The following RBM33 variants were observed in gnomAD, a reference collection of about 807,000 sequenced individuals.
RBM33 encodes RNA binding motif protein 33, also known as RNA-binding protein 33.
In RBM33, 28 loss-of-function variants were observed where a neutral mutation model predicts 132.6. That is an observed-to-expected ratio of 0.21 (90% CI 0.16 to 0.29). The LOEUF is 0.29. Ranked by LOEUF, RBM33 falls within the 10% of genes least tolerant of loss-of-function variation. The pLI is 1.00. For missense variants in RBM33, 1,291 were observed against 1,518.5 expected (o/e 0.85, Z 2.49); for synonymous variants, 634 against 593.0 (o/e 1.07, Z -1.01).
intron 13 of RBM33, among the ~76,000 whole-genome samples, chr7:155,744,303 A>G (rs1801446257): frequency 6.6e-6 from 1 of 152,252 alleles, no homozygotes; most frequent in Non-Finnish European, 1.5e-5. Flanking sequence ...ATTGAAAGTT[A>G]CTGGAGTTTT....
chr7:155,737,466 TA>T, intron 9 of RBM33, 63 bp from the exon 10 acceptor site: 1 of 1,502,204 alleles, frequency 6.7e-7, no homozygotes, highest in Non-Finnish European at 8.9e-7. Flanking sequence ...TCTATATTTC[TA>T]AAAATTACAT....
At position 155,777,734 on chromosome 7, in the gene RBM33, G is replaced by T. The variant is rs1477835136; in HGVS notation, c.*2693G>T. ...GCCACATCTTAGCTATTAGTTCTTTGTGTTGTCTTATCAAAGTTTAATGGA... is the reference window on the plus strand; with the variant it reads ...GCCACATCTTAGCTATTAGTTCTTTTTGTTGTCTTATCAAAGTTTAATGGA... On this transcript the variant is annotated 3_prime_UTR_variant, in exon 18 of 18. Coordinates refer to ENST00000401878, the MANE Select transcript of RBM33 (RefSeq NM_053043.3). The T allele has an allele frequency of 6.6e-6, 1 of 152,634 alleles. No homozygotes were observed. The highest frequency in any genetic ancestry group is 1.5e-5 in the Non-Finnish European group (1 of 68,044). The allele number at this position is 152,634 out of a possible 1,614,324, so 9.5% of individuals were successfully genotyped here.
chr7:155,724,169 G>A (rs925687868), intron 9 of RBM33, among the ~76,000 whole-genome samples: 3 of 152,004 alleles, frequency 2.0e-5, no homozygotes, highest in African/African-American at 7.3e-5. Context: ...AATTTCCCAG[G>A]AGTTGTTGAA....
chr7:155,651,969 G>C (rs557455266), intron 1 of RBM33, among the ~76,000 whole-genome samples: 1 of 152,284 alleles, frequency 6.6e-6, no homozygotes, highest in African/African-American at 2.4e-5. Flanking sequence ...ACATGGTGTA[G>C]GAACTCTTTC....
intron 3 of RBM33, among the ~76,000 whole-genome samples, chr7:155,675,893 C>T: frequency 6.6e-6 from 1 of 152,172 alleles, no homozygotes; most frequent in East Asian, 1.9e-4. Flanking sequence ...CTGTTCGATA[C>T]TACTTTTTAA....
intron 14 of RBM33, among the ~76,000 whole-genome samples, chr7:155,758,635 G>C (rs1164893460): frequency 1.3e-5 from 2 of 151,844 alleles, no homozygotes; most frequent in African/African-American, 4.9e-5. Flanking sequence ...TGCTGTATAA[G>C]GTACAAAAAC....
chr7:155,652,624 T>C lies in RBM33; in HGVS notation c.43+7705T>C, dbSNP rs145199346. On this transcript the variant is annotated intron_variant, in intron 1 of 17. Transcript: ENST00000401878. ...GAGAATTGTAGAAATCTAGTAGATATCTTCAGTCTTGAAGGAAAATTGATC... is the reference window on the plus strand; with the variant it reads ...GAGAATTGTAGAAATCTAGTAGATACCTTCAGTCTTGAAGGAAAATTGATC... Among the ~76,000 whole-genome samples the C allele has an allele frequency of 1.2e-4, 18 of 152,342 alleles. No individual in the cohort carries two copies. The South Asian group carries it at 3.1e-3, about 26-fold the overall frequency.
At chr7:155,738,658 A>T (rs1252108665) in intron 11 of RBM33, 2 of 465,064 alleles carry the variant, frequency 4.3e-6, no homozygotes, top group Non-Finnish European at 7.6e-6. Flanking sequence ...TAAAGGGTAT[A>T]CTACTAATAA....
intron 14 of RBM33, among the ~76,000 whole-genome samples, chr7:155,752,655 G>A (rs1351324055): frequency 1.3e-5 from 2 of 152,132 alleles, no homozygotes; most frequent in Non-Finnish European, 1.5e-5. Flanking sequence ...TTCTGAGGCC[G>A]CCCATCGCCC....
At chr7:155,687,902 G>A (rs1003158288) in intron 5 of RBM33, among the ~76,000 whole-genome samples, 11 of 152,168 alleles carry the variant, frequency 7.2e-5, no homozygotes, top group Non-Finnish European at 1.3e-4. Flanking sequence ...TTTGAAGTCA[G>A]GTAGTATGAT....
At chr7:155,646,782 T>C (rs1211780103) in intron 1 of RBM33, among the ~76,000 whole-genome samples, 1 of 152,240 alleles carries the variant, frequency 6.6e-6, no homozygotes, top group African/African-American at 2.4e-5. Flanking sequence ...TTTTTACTTG[T>C]TTTTTAAATC....
Position 155,775,227 on chromosome 7 carries a change from C to T in RBM33, c.*186C>T, listed in dbSNP as rs1024005350. 2.9e-6 allele frequency: 2 copies of T among 699,402 alleles called. No individual in the cohort carries two copies. The highest frequency in any genetic ancestry group is 3.5e-5 in the African/African-American group (2 of 56,994). The allele number at this position is 699,402 out of a possible 1,614,324, so 43.3% of individuals were successfully genotyped here. A position where few individuals can be genotyped will look rare whatever the true frequency, so the allele number is the denominator to read the frequency against. On this transcript the variant is annotated 3_prime_UTR_variant, in exon 18 of 18. Transcript: ENST00000401878. ...GAGGAGCCGAACTGACAGGACACAGCAGGCTGGAGTTGGTGTTAGATTGCT... is the reference window on the plus strand; with the variant it reads ...GAGGAGCCGAACTGACAGGACACAGTAGGCTGGAGTTGGTGTTAGATTGCT...
chr7:155,769,210 AT>A (rs892563691), intron 16 of RBM33, among the ~76,000 whole-genome samples: 3 of 150,620 alleles, frequency 2.0e-5, no homozygotes, highest in East Asian at 1.9e-4. Context: ...AAGACTAGAT[AT>A]TTTTTTTTTC....
At chr7:155,764,109 C>A in intron 15 of RBM33, 91 bp downstream of exon 15, 2 of 962,922 alleles carry the variant, frequency 2.1e-6, no homozygotes, top group Non-Finnish European at 3.1e-6. Flanking sequence ...GCGCATGGCA[C>A]ACAGTAGTAC....
intron 8 of RBM33, among the ~76,000 whole-genome samples, 179 bp downstream of exon 8, chr7:155,711,634 C>T (rs751311682): frequency 1.3e-5 from 2 of 152,134 alleles, no homozygotes; most frequent in Non-Finnish European, 2.9e-5. Context: ...AACATGCATC[C>T]CAAAACTCCC....
chr7:155,741,895 G>T lies in RBM33; in HGVS notation c.2126G>T (p.Arg709Leu). 4 of 1,614,014 alleles carry T rather than the reference G, an allele frequency of 2.5e-6. No homozygotes were observed. The highest frequency in any genetic ancestry group is 2.2e-5 in the East Asian group (1 of 44,880). The change falls in exon 13 of 18, where the codon CGT (arginine) becomes CTT (leucine). Residue 709 changes from arginine (R) to leucine (L), a missense_variant. Arg to Leu is a moderately radical substitution (Grantham distance 102). Coordinates refer to ENST00000401878, the MANE Select transcript of RBM33 (RefSeq NM_053043.3). The stretch of plus-strand genomic sequence containing the variant: ...ACTGCGCCAAGGAACAGCAATTTGC[G>T]TGAATTACCCATAGCGCCGTCACAC... Reference protein sequence around the residue: ...QPTAPRNSNLRELPIAPSHVI... With the variant: ...QPTAPRNSNLLELPIAPSHVI...
intron 3 of RBM33, among the ~76,000 whole-genome samples, chr7:155,673,625 TAC>T (rs1173297353): frequency 6.7e-5 from 2 of 29,988 alleles, no homozygotes; most frequent in Non-Finnish European, 9.7e-5. Flanking sequence ...TGTATATATA[TAC>T]ACACATATAC....
chr7:155,769,423 A>T (rs376336686), intron 16 of RBM33, among the ~76,000 whole-genome samples: 2 of 152,174 alleles, frequency 1.3e-5, no homozygotes, highest in East Asian at 3.9e-4. Flanking sequence ...TCCCAAGGCC[A>T]GGGGGGCTGC....
At chr7:155,664,880 C>T (rs2116890985) in intron 1 of RBM33, among the ~76,000 whole-genome samples, 1 of 151,242 alleles carries the variant, frequency 6.6e-6, no homozygotes, top group East Asian at 1.9e-4. Flanking sequence ...ACACTCAAAA[C>T]CCATTTTATA....
Sources: allele counts gnomAD v4.1 joint callset (sites outside exome capture counted in the v4.1 genomes callset), GRCh38; gene constraint gnomAD v4.1.1; transcripts MANE v1.5; gene names NCBI Gene and HGNC (gene_info 2026-07-23, HGNC 2026-07-21).